TNRC6A: variants seen among roughly 807,000 people sequenced by gnomAD.
TNRC6A encodes the protein trinucleotide repeat-containing gene 6A protein.
In TNRC6A, 44 loss-of-function variants were observed where a neutral mutation model predicts 221.2. The observed-to-expected ratio is 0.20, with a 90% CI of 0.16 to 0.26. TNRC6A has a LOEUF of 0.26. Ranked by LOEUF, TNRC6A falls within the 10% of genes least tolerant of loss-of-function variation. The pLI is 1.00. For missense variants in TNRC6A, 2,199 were observed against 2,404.4 expected (o/e 0.91, Z 1.79); for synonymous variants, 847 against 838.5 (o/e 1.01, Z -0.18).
chr16:24,760,012 A>C (rs550474977), intron 4 of TNRC6A, among the ~76,000 whole-genome samples: 52 of 152,084 alleles, frequency 3.4e-4, no homozygotes, highest in Non-Finnish European at 5.4e-4. Flanking sequence ...TTCTTGCTTC[A>C]AGACCAAACT....
rs1365284246 is a variant in TNRC6A at position 24,804,288 on chromosome 16, C to T, written c.3806C>T (p.Ser1269Phe). Residue 1269 changes from serine (S) to phenylalanine (F), a missense_variant, in exon 12 of 25, where the codon TCT (serine) becomes TTT (phenylalanine). Around this residue, in one of 8 missense-constraint regions of TNRC6A, gnomAD observed 158 missense variants for 159.1 expected, o/e 0.99. Coordinates refer to ENST00000395799, the MANE Select transcript of TNRC6A (RefSeq NM_014494.4). Reference protein sequence around the residue: ...PGSRPQISKESSMERNPYFDK... With the variant: ...PGSRPQISKEFSMERNPYFDK... ...TCTCGGCCTCAGATTTCCAAAGAGT[C>T]TTCCATGGAGCGCAATCCTTATTTT... The T allele has an allele frequency of 1.9e-6, 3 of 1,613,356 alleles. No homozygotes were observed. Among genetic ancestry groups the T allele is most frequent in the Admixed American group, 3.4e-5 (2 of 59,684 alleles).
In TNRC6A at chr16:24,815,339, CTG is replaced by C. The variant is rs754322645; in HGVS notation, c.4831+38_4831+39del. Reference sequence around the variant, plus strand: ...TTTTCTAACACTTTCTTTCATGAGACTGTGTTTCCATTAAGGTTTTGTTACAT... The same window carrying C: ...TTTTCTAACACTTTCTTTCATGAGACTGTTTCCATTAAGGTTTTGTTACAT... On this transcript the variant is annotated intron_variant, in intron 19 of 24. Transcript: ENST00000395799. 2.0e-5 allele frequency: 32 copies of C among 1,608,808 alleles called. No individual in the cohort carries two copies. In the Middle Eastern group the frequency reaches 6.6e-4, roughly 33 times the overall value.
At chr16:24,798,018 C>A in intron 11 of TNRC6A, 52 bp downstream of exon 11, 2 of 1,504,630 alleles carry the variant, frequency 1.3e-6, no homozygotes, top group South Asian at 1.2e-5. Context: ...CACGCACATC[C>A]ATGACATGAT....
chr16:24,642,067 A>G (rs1212397239), intron 2 of TNRC6A, among the ~76,000 whole-genome samples: 1 of 152,222 alleles, frequency 6.6e-6, no homozygotes, highest in Non-Finnish European at 1.5e-5. Context: ...CTGAGATAGC[A>G]GACTGATCAT....
chr16:24,625,745 A>C lies in TNRC6A; in HGVS notation n.277-15139A>C, dbSNP rs764467539. Among the ~76,000 whole-genome samples, 12 of 146,886 alleles carry C rather than the reference A, an allele frequency of 8.2e-5. 1 individual carries two copies. The East Asian group carries it at 9.8e-4, about 12-fold the overall frequency. Reference sequence around the variant, plus strand: ...GAGACTCCGTCTCAAAACAAAAAAAAAAAAAAAAAAAAAAAAATTAGCTCG... The same window carrying C: ...GAGACTCCGTCTCAAAACAAAAAAACAAAAAAAAAAAAAAAAATTAGCTCG... On this transcript the variant is annotated intron_variant and non_coding_transcript_variant, in intron 1 of 2. Coordinates refer to the TNRC6A transcript ENST00000566108.
chr16:24,714,448 A>G (rs1284179494), intron 2 of TNRC6A, among the ~76,000 whole-genome samples: 1 of 151,310 alleles, frequency 6.6e-6, no homozygotes, highest in Admixed American at 6.6e-5. Context: ...AGCTGGGACT[A>G]CAGGTGCCCA....
chr16:24,754,841 A>G (rs1488749411), intron 3 of TNRC6A, among the ~76,000 whole-genome samples: 2 of 152,204 alleles, frequency 1.3e-5, no homozygotes, highest in Admixed American at 6.5e-5. Flanking sequence ...TTCAACATCC[A>G]TGGGCTTTTT....
At chr16:24,653,781 A>G (rs1461341056) in intron 2 of TNRC6A, among the ~76,000 whole-genome samples, 1 of 148,830 alleles carries the variant, frequency 6.7e-6, no homozygotes, top group African/African-American at 2.4e-5. Flanking sequence ...ACTCTATCAA[A>G]AAAAAAAAAA....
At chr16:24,723,745 A>T (rs552319179) in intron 2 of TNRC6A, among the ~76,000 whole-genome samples, 9 of 152,038 alleles carry the variant, frequency 5.9e-5, no homozygotes, top group Non-Finnish European at 1.3e-4. Context: ...GTTCCATTTT[A>T]ATTATTGCAA....
rs1218400518 is a variant in TNRC6A, at chr16:24,784,344, A to T, written c.590-4888A>T. Among the ~76,000 whole-genome samples the T allele has an allele frequency of 3.3e-5, 5 of 152,158 alleles. No individual in the cohort carries two copies. The East Asian group carries it at 9.7e-4, about 30-fold the overall frequency. ...TTTATTTGTTTATTTATTCATTTTG[A>T]GAGAGGCTGTAGCTCTGTCTCCTAG... On this transcript the variant is annotated intron_variant, in intron 5 of 24. Coordinates refer to ENST00000395799, the MANE Select transcript of TNRC6A (RefSeq NM_014494.4).
intron 2 of TNRC6A, chr16:24,661,664 G>C (rs771520098): frequency 6.6e-6 from 1 of 152,324 alleles, no homozygotes; most frequent in South Asian, 2.1e-4. Flanking sequence ...CGCCCGCCTC[G>C]GCCTCCCAAA....
intron 2 of TNRC6A, among the ~76,000 whole-genome samples, chr16:24,745,651 T>C (rs1270927354): frequency 6.6e-6 from 1 of 152,098 alleles, no homozygotes; most frequent in Admixed American, 6.6e-5. Flanking sequence ...CCTAACCCCT[T>C]GTCCCATTAT....
At chr16:24,632,043 G>T (rs1228990518) in intron 1 of TNRC6A, among the ~76,000 whole-genome samples, 1 of 151,896 alleles carries the variant, frequency 6.6e-6, no homozygotes, top group Non-Finnish European at 1.5e-5. Context: ...AATAGACAGG[G>T]TCCTGCTATA....
chr16:24,750,859 A>AT (rs1596611440), intron 3 of TNRC6A, 46 bp downstream of exon 3: 3 of 1,374,312 alleles, frequency 2.2e-6, no homozygotes, highest in Non-Finnish European at 1.9e-6. Context: ...TAAACATAGA[A>AT]TTAAAAAAAA....
intron 17 of TNRC6A, among the ~76,000 whole-genome samples, chr16:24,807,448 A>C (rs575900169): frequency 4.8e-4 from 73 of 152,254 alleles, no homozygotes; most frequent in Non-Finnish European, 9.4e-4. Context: ...TCTTATTAGA[A>C]ACAGTACACC....
intron 2 of TNRC6A, chr16:24,670,937 CA>C (rs2055285395): frequency 2.6e-6 from 1 of 381,342 alleles, no homozygotes; most frequent in Admixed American, 2.7e-5. Context: ...ATGATGCTGA[CA>C]GGGGGTACCA....
At chr16:24,755,098 C>A (rs1038365124) in intron 3 of TNRC6A, among the ~76,000 whole-genome samples, 3 of 152,146 alleles carry the variant, frequency 2.0e-5, no homozygotes, top group African/African-American at 7.2e-5. Flanking sequence ...CTCATTGCAC[C>A]TTACACTTCT....
intron 4 of TNRC6A, among the ~76,000 whole-genome samples, chr16:24,771,098 A>G (rs1330194938): frequency 6.6e-6 from 1 of 152,254 alleles, no homozygotes. Flanking sequence ...AATGTTAAAC[A>G]GTGCCATGCT....
intron 2 of TNRC6A, among the ~76,000 whole-genome samples, chr16:24,738,572 A>T (rs1242839194): frequency 6.6e-6 from 1 of 152,128 alleles, no homozygotes; most frequent in Non-Finnish European, 1.5e-5. Context: ...GACTTGTCTT[A>T]TTTAGTGTAG....
Sources: gnomAD v4.1 joint callset for allele counts (sites outside exome capture counted in the v4.1 genomes callset) on GRCh38, gnomAD v4.1.1 for gene constraint, gnomAD v4.1.1 regional missense constraint, MANE v1.5 for transcripts, NCBI Gene and HGNC (gene_info 2026-07-23, HGNC 2026-07-21) for gene names.